The following C5 variants were observed in gnomAD, a reference collection of about 807,000 sequenced individuals.
The protein encoded by C5 is complement C5, also known as C3 and PZP-like alpha-2-macroglobulin domain-containing protein 4.
Under a neutral mutation model 218.8 loss-of-function variants are expected in C5, and 140 were observed. The observed-to-expected ratio is 0.64, with a 90% CI of 0.56 to 0.74. The LOEUF (loss-of-function observed/expected upper bound fraction) is 0.74. Ranked by LOEUF, C5 falls within the 30% of genes least tolerant of loss-of-function variation. C5 has a pLI of 0.00. For missense variants in C5, 1,700 were observed against 1,969.6 expected, an observed-to-expected ratio of 0.86 and a Z score of 2.59; for synonymous variants, 614 against 682.3, an observed-to-expected ratio of 0.90 and a Z score of 1.56.
At chr9:121,046,466 A>G in intron 1 of C5, 83 bp from the exon 2 acceptor site, 1 of 945,626 alleles carries the variant, frequency 1.1e-6, no homozygotes, top group Non-Finnish European at 1.7e-6. Context: ...CTCACTTGAG[A>G]GATTCCATTT....
In C5 at chr9:121,017,712, T is replaced by G; in HGVS notation, c.1647A>C (p.Glu549Asp). The change falls in exon 13 of 41, where the codon GAA becomes GAC. Residue 549 changes from glutamate to aspartate, a missense_variant. Glu to Asp is a conservative substitution (Grantham distance 45, BLOSUM62 2). Coordinates refer to ENST00000223642, the MANE Select transcript of C5 (RefSeq NM_001735.3). The stretch of plus-strand genomic sequence containing the variant: ...AATCAGACACTAATTCTGCTGTCTG[T>G]TCTCCTGTGACGATGTAATAGACCA... ...RLLVYYIVTG[E>D]QTAELVSDSV... 6.2e-7 allele frequency: 1 copy of G among 1,613,646 alleles called. No homozygotes were observed. Among genetic ancestry groups the G allele is most frequent in the Non-Finnish European group, 8.5e-7 (1 of 1,179,686 alleles).
At position 121,034,023 on chromosome 9, in the gene C5, C is replaced by T. The variant is rs193269126; in HGVS notation, c.584+780G>A. Among the ~76,000 whole-genome samples the T allele has an allele frequency of 4.6e-5, 7 of 152,088 alleles. No individual in the cohort carries two copies. In the East Asian group the frequency reaches 5.8e-4, roughly 13 times the overall value. ...TTAACCCTCACCTCCCAGATTCAAG[C>T]GATTCTCCTGCCTCAGCCTCCCGAG... On this transcript the variant is annotated intron_variant, in intron 5 of 40. Transcript: ENST00000223642.
chr9:121,023,787 TGAGGAAG>T lies in C5; in HGVS notation c.1001-275_1001-269del, dbSNP rs558211601. On this transcript the variant is annotated intron_variant, in intron 9 of 40. Transcript: ENST00000223642. The stretch of plus-strand genomic sequence containing the variant: ...GAGAAGTAGAGCTACAGGACTGGAC[TGAGGAAG>T]GATGCCAGGAAGGGACACCACTTTT... 1.5e-3 allele frequency among the ~76,000 whole-genome samples: 222 copies of T among 152,162 alleles called. 1 individual carries two copies. The Middle Eastern group carries it at 0.017, about 12-fold the overall frequency.
chr9:120,985,562 AATAG>A (rs143522629), intron 25 of C5, among the ~76,000 whole-genome samples: 11,522 of 152,264 alleles, frequency 0.076, 470 homozygotes, highest in Non-Finnish European at 0.091. Context: ...TCAAGATAGG[AATAG>A]ATAAAGAATA....
intron 25 of C5, among the ~76,000 whole-genome samples, chr9:120,987,636 CA>C (rs36095132): frequency 0.14 from 15,704 of 110,778 alleles, 1,090 homozygotes; most frequent in African/African-American, 0.31. Flanking sequence ...GACTCCGTCT[CA>C]AAAAAAAAAA....
intron 20 of C5, 21 bp downstream of exon 20, chr9:121,005,898 T>C (rs1039175612): frequency 9.9e-6 from 16 of 1,611,484 alleles, no homozygotes; most frequent in Middle Eastern, 3.3e-4. Context: ...CTTTATCCCA[T>C]AAATATTAAC....
chr9:121,023,930 G>T (rs757138468), intron 9 of C5, among the ~76,000 whole-genome samples: 1 of 151,588 alleles, frequency 6.6e-6, no homozygotes, highest in Admixed American at 6.6e-5. Flanking sequence ...GGGGGTTGGT[G>T]TTCACAGAGC....
chr9:121,015,130 A>G (rs750367776), intron 16 of C5, 69 bp downstream of exon 16: 8 of 975,818 alleles, frequency 8.2e-6, no homozygotes, highest in African/African-American at 1.6e-5. Context: ...TTTATATAAC[A>G]TTTAATTTTG....
At chr9:121,074,438 G>GC in the C5 span, among the ~76,000 whole-genome samples, 2 of 152,218 alleles carry the variant, frequency 1.3e-5, no homozygotes, top group Non-Finnish European at 2.9e-5. Flanking sequence ...GACAGCTGGA[G>GC]CCCAGGCTGC....
chr9:120,997,844 C>A, intron 20 of C5, 70 bp from the exon 21 acceptor site: 1 of 1,362,946 alleles, frequency 7.3e-7, no homozygotes. Flanking sequence ...GCTATGTCGC[C>A]CAGGCTGGAG....
At chr9:121,069,380 T>TG in the C5 span, among the ~76,000 whole-genome samples, 3 of 152,146 alleles carry the variant, frequency 2.0e-5, no homozygotes, top group African/African-American at 7.2e-5. Context: ...AACAAATATA[T>TG]GAAAAAATGC....
At chr9:121,060,285 T>G in the C5 span, among the ~76,000 whole-genome samples, 1 of 152,206 alleles carries the variant, frequency 6.6e-6, no homozygotes, top group Non-Finnish European at 1.5e-5. Context: ...TTCGTGCTGA[T>G]TAAGTCAATG....
At position 121,008,431 on chromosome 9, in the gene C5, C is replaced by T. The variant is rs554278036; in HGVS notation, c.2325G>A (p.Trp775Ter). ...IRSYFPESWLWEVHLVPRRKQ... is the reference protein window; with the variant it reads ...IRSYFPESWL The stretch of plus-strand genomic sequence containing the variant: ...ACCTTCTGGGAACAAGATGAACTTC[C>T]CACAACCAGCTTTCTGGAAAATAAC... The change falls in exon 18 of 41, where the codon TGG becomes TGA. Residue 775 changes from tryptophan to a stop codon, truncating the protein, a stop_gained. Coordinates refer to ENST00000223642, the MANE Select transcript of C5 (RefSeq NM_001735.3). LOFTEE classifies it high-confidence loss of function. The T allele has an allele frequency of 6.2e-7, 1 of 1,613,466 alleles. No individual in the cohort carries two copies. Among genetic ancestry groups the T allele is most frequent in the South Asian group, 1.1e-5 (1 of 91,060 alleles).
At chr9:121,012,495 C>T (rs918333697) in intron 17 of C5, among the ~76,000 whole-genome samples, 2 of 152,168 alleles carry the variant, frequency 1.3e-5, no homozygotes, top group Middle Eastern at 6.8e-3. Flanking sequence ...GCCTGGGCAA[C>T]AAAAACAAAA....
At chr9:121,068,231 A>G in the C5 span, among the ~76,000 whole-genome samples, 1 of 152,196 alleles carries the variant, frequency 6.6e-6, no homozygotes, top group Non-Finnish European at 1.5e-5. Context: ...TATGTAGAAA[A>G]CCCCAAAGAT....
intron 12 of C5, among the ~76,000 whole-genome samples, chr9:121,019,055 T>TA (rs1390813191): frequency 4.0e-5 from 6 of 150,752 alleles, no homozygotes; most frequent in South Asian, 4.2e-4. Flanking sequence ...TTTCACCGAT[T>TA]AAAAAAAAAT....
At chr9:121,019,891 A>G (rs529111915) in intron 12 of C5, 85 bp downstream of exon 12, 1 of 848,922 alleles carries the variant, frequency 1.2e-6, no homozygotes, top group Admixed American at 2.0e-5. Flanking sequence ...TAAAAGTATA[A>G]AGGATAATTC....
upstream of C5, among the ~76,000 whole-genome samples, chr9:121,051,063 C>T (rs1212989734): frequency 6.6e-6 from 1 of 151,658 alleles, no homozygotes; most frequent in East Asian, 1.9e-4. Flanking sequence ...AAAAACAAAG[C>T]TTCCTATAAC....
chr9:121,051,579 G>A (rs2047671703), upstream of C5, among the ~76,000 whole-genome samples: 1 of 151,826 alleles, frequency 6.6e-6, no homozygotes, highest in Non-Finnish European at 1.5e-5. Context: ...TTTCTATAAT[G>A]AGATATTTAT....
Sources: gnomAD v4.1 joint callset for allele counts (sites outside exome capture counted in the v4.1 genomes callset) on GRCh38, gnomAD v4.1.1 for gene constraint, MANE v1.5 for transcripts, NCBI Gene and HGNC (gene_info 2026-07-23, HGNC 2026-07-21) for gene names.